Variants in CSNK2A2IP observed in about 807,000 individuals in gnomAD.
The protein encoded by CSNK2A2IP is casein kinase II subunit alpha'-interacting protein.
At chr3:88,407,524 T>C in the CSNK2A2IP span, among the ~76,000 whole-genome samples, 11 of 152,082 alleles carry the variant, frequency 7.2e-5, no homozygotes, top group African/African-American at 2.7e-4. Flanking sequence ...TTTGGAATCA[T>C]AGTCACTGCA....
chr3:88,377,773 G>GA, the CSNK2A2IP span, among the ~76,000 whole-genome samples: 1 of 151,724 alleles, frequency 6.6e-6, no homozygotes, highest in African/African-American at 2.4e-5. Flanking sequence ...CACACAGTTG[G>GA]GCAGTGTTAC....
the CSNK2A2IP span, among the ~76,000 whole-genome samples, chr3:88,365,986 G>T: frequency 3.9e-4 from 59 of 152,156 alleles, no homozygotes; most frequent in Admixed American, 2.7e-3. Flanking sequence ...GAATGAAAAG[G>T]TGGTGCCAAT....
the CSNK2A2IP span, among the ~76,000 whole-genome samples, chr3:88,383,484 T>G: frequency 6.6e-6 from 1 of 152,092 alleles, no homozygotes; most frequent in Non-Finnish European, 1.5e-5. Flanking sequence ...AGTCAAGTCT[T>G]CATTATTTTT....
At chr3:88,355,774 C>T in the CSNK2A2IP span, among the ~76,000 whole-genome samples, 1 of 152,108 alleles carries the variant, frequency 6.6e-6, no homozygotes, top group African/African-American at 2.4e-5. Context: ...GAATTAATGA[C>T]GACTTGTTTT....
the CSNK2A2IP span, among the ~76,000 whole-genome samples, chr3:88,442,053 A>G: frequency 1.3e-5 from 2 of 152,198 alleles, no homozygotes; most frequent in South Asian, 2.1e-4. Flanking sequence ...TAAAGGAGAT[A>G]CCAGATTTAG....
At chr3:88,399,044 A>G in the CSNK2A2IP span, among the ~76,000 whole-genome samples, 5 of 152,334 alleles carry the variant, frequency 3.3e-5, no homozygotes, top group Non-Finnish European at 7.4e-5. Context: ...GTCAGAGAAT[A>G]AAGACAAACA....
the CSNK2A2IP span, among the ~76,000 whole-genome samples, chr3:88,397,796 A>T: frequency 6.6e-6 from 1 of 151,854 alleles, no homozygotes; most frequent in African/African-American, 2.4e-5. Context: ...TCACAGTTTG[A>T]GGCATTTTAA....
chr3:88,441,719 G>A, the CSNK2A2IP span, among the ~76,000 whole-genome samples: 6 of 152,110 alleles, frequency 3.9e-5, no homozygotes, highest in Middle Eastern at 3.2e-3. Context: ...AGATATAATA[G>A]TTGTGATTTA....
chr3:88,343,580 G>T, the CSNK2A2IP span, among the ~76,000 whole-genome samples: 3 of 151,792 alleles, frequency 2.0e-5, no homozygotes, highest in African/African-American at 7.3e-5. Flanking sequence ...ATCAAACAGG[G>T]CTACTTTTCA....
chr3:88,342,550 G>A, the CSNK2A2IP span, among the ~76,000 whole-genome samples: 3 of 151,830 alleles, frequency 2.0e-5, no homozygotes, highest in Admixed American at 6.6e-5. Context: ...AGGTCTGCCC[G>A]GTTGATGGAT....
At chr3:88,407,564 C>T in the CSNK2A2IP span, among the ~76,000 whole-genome samples, 1 of 152,010 alleles carries the variant, frequency 6.6e-6, no homozygotes, top group African/African-American at 2.4e-5. Flanking sequence ...TCATGCCTAC[C>T]CTCCAGGCAA....
chr3:88,418,873 G>A, the CSNK2A2IP span, among the ~76,000 whole-genome samples: 1 of 152,128 alleles, frequency 6.6e-6, no homozygotes, highest in South Asian at 2.1e-4. Flanking sequence ...ACAGGCAAGA[G>A]AGCCATCTGT....
At chr3:88,418,094 T>C in the CSNK2A2IP span, among the ~76,000 whole-genome samples, 1 of 149,570 alleles carries the variant, frequency 6.7e-6, no homozygotes, top group Non-Finnish European at 1.5e-5. Context: ...GTAAATTTTA[T>C]AGTTGTACGT....
the CSNK2A2IP span, among the ~76,000 whole-genome samples, chr3:88,381,211 C>CA: frequency 6.6e-6 from 1 of 152,028 alleles, no homozygotes; most frequent in Non-Finnish European, 1.5e-5. Flanking sequence ...TGTTCCTAGC[C>CA]AAAAAATGTG....
chr3:88,355,686 C>T, the CSNK2A2IP span, among the ~76,000 whole-genome samples: 10 of 152,180 alleles, frequency 6.6e-5, no homozygotes, highest in African/African-American at 2.2e-4. Context: ...TGAGGAATTT[C>T]CAGGGATCTT....
chr3:88,377,590 A>G, the CSNK2A2IP span, among the ~76,000 whole-genome samples: 2 of 151,940 alleles, frequency 1.3e-5, no homozygotes. Flanking sequence ...CATGTTGTAA[A>G]TATTAATAGT....
the CSNK2A2IP span, among the ~76,000 whole-genome samples, chr3:88,357,215 T>C: frequency 6.6e-6 from 1 of 152,190 alleles, no homozygotes. Context: ...TCTCCAATGT[T>C]TTCTTCTAGG....
At chr3:88,358,959 C>T in the CSNK2A2IP span, among the ~76,000 whole-genome samples, 2 of 149,170 alleles carry the variant, frequency 1.3e-5, no homozygotes, top group Non-Finnish European at 1.5e-5. Flanking sequence ...CTATCGGCTC[C>T]TGGATTTTTT....
At chr3:88,347,021 C>T in the CSNK2A2IP span, among the ~76,000 whole-genome samples, 2 of 151,916 alleles carry the variant, frequency 1.3e-5, no homozygotes, top group African/African-American at 4.8e-5. Flanking sequence ...TTGATTCCAA[C>T]CCGCATTGAG....
Sources: gnomAD v4.1 joint callset for allele counts (sites outside exome capture counted in the v4.1 genomes callset) on GRCh38, gnomAD v4.1.1 for gene constraint, MANE v1.5 for transcripts, NCBI Gene and HGNC (gene_info 2026-07-23, HGNC 2026-07-21) for gene names.